The following PGM2 variants were observed in gnomAD, a reference collection of about 807,000 sequenced individuals.
The protein encoded by PGM2 is phosphoglucomutase 2.
Under a neutral mutation model 74.6 loss-of-function variants are expected in PGM2, and 57 were observed. The observed-to-expected ratio is 0.76, with a 90% CI of 0.62 to 0.95. The LOEUF is 0.95. PGM2 is among the 40% of genes least tolerant of loss of function. PGM2 has a pLI of 0.00. For missense variants in PGM2, 706 were observed against 741.9 expected, an observed-to-expected ratio of 0.95 and a Z score of 0.56; for synonymous variants, 273 against 260.7, an observed-to-expected ratio of 1.05 and a Z score of -0.46.
chr4:37,857,540 G>GCTCACCACTCCATGAGTTTA (rs1711568232), intron 13 of PGM2, among the ~76,000 whole-genome samples: 1 of 152,072 alleles, frequency 6.6e-6, no homozygotes, highest in Non-Finnish European at 1.5e-5. Context: ...GACTTAGAAA[G>GCTCACCACTCCATGAGTTTA]CTCACCACTC....
chr4:37,859,221 T>G (rs1239466760), intron 13 of PGM2, among the ~76,000 whole-genome samples: 1 of 152,216 alleles, frequency 6.6e-6, no homozygotes, highest in Non-Finnish European at 1.5e-5. Flanking sequence ...TCATAAGACT[T>G]CATGATGCTT....
At chr4:37,853,328 G>A (rs1726103882) in intron 12 of PGM2, among the ~76,000 whole-genome samples, 1 of 147,600 alleles carries the variant, frequency 6.8e-6, no homozygotes, top group Non-Finnish European at 1.5e-5. Flanking sequence ...AGTAGAGACA[G>A]GATCTTGCTG....
rs2152176553 is a variant in PGM2 at position 37,839,921 on chromosome 4, A to G, written c.515A>G (p.Asn172Ser). ...GCATCTCACAATCCAAAGCAGGATA[A>G]TGGTTATAAGGTATTTTCCTTTTTC... ...ITASHNPKQD[N>S]GYKVYWDNGA... The change falls in exon 5 of 14, where the codon AAT becomes AGT. Residue 172 changes from asparagine (N) to serine (S), a missense_variant. By Grantham distance (46) the Asn-to-Ser change is conservative. This residue lies in a region of PGM2 where 332 missense variants were observed against 334.9 expected (regional missense o/e 0.99). Transcript: ENST00000381967. 1 of 1,595,956 alleles carries G rather than the reference A, an allele frequency of 6.3e-7. No homozygotes were observed. The highest frequency in any genetic ancestry group is 8.6e-7 in the Non-Finnish European group (1 of 1,163,602).
intron 10 of PGM2, chr4:37,847,537 A>G: frequency 4.5e-6 from 2 of 448,974 alleles, no homozygotes; most frequent in South Asian, 2.2e-5. Flanking sequence ...AAACAGTGAC[A>G]TTGTATGCTT....
At position 37,826,808 on chromosome 4, in the gene PGM2, G is replaced by C; in HGVS notation, c.76G>C (p.Asp26His). ...DQETAQWLRW[D>H]KNSLTLEAVK... ...GGAGACCGCCCAGTGGCTGCGCTGG[G>C]ACAAGGTGAGGGGCACCAGCAGGCG... The change falls in exon 1 of 14, where the codon GAC (aspartate) becomes CAC (histidine). Residue 26 changes from aspartate to histidine, a missense_variant. Asp to His is a moderately conservative substitution (Grantham distance 81). This residue lies in a region of PGM2 where 332 missense variants were observed against 334.9 expected (regional missense o/e 0.99). Transcript: ENST00000381967. 1 of 1,544,800 alleles carries C rather than the reference G, an allele frequency of 6.5e-7. No individual in the cohort carries two copies. Among genetic ancestry groups the C allele is most frequent in the South Asian group, 1.2e-5 (1 of 83,950 alleles).
chr4:37,857,732 G>T (rs1711577585), intron 13 of PGM2, among the ~76,000 whole-genome samples: 1 of 152,144 alleles, frequency 6.6e-6, no homozygotes, highest in South Asian at 2.1e-4. Context: ...ACCTTTTTGT[G>T]CTTAAAGTGC....
rs141198631 is a variant in PGM2 at position 37,841,334 on chromosome 4, A to G, written c.719+1075A>G. Among the ~76,000 whole-genome samples, 369 of 152,094 alleles carry G rather than the reference A, an allele frequency of 2.4e-3. 1 individual carries two copies. Among genetic ancestry groups the G allele is most frequent in the African/African-American group, 8.3e-3 (344 of 41,502 alleles). ...ACAGACTCAGTCCTTACCATCAGGT[A>G]GGAAGAGGTGTAGCAGAGTGACAGT... On this transcript the variant is annotated intron_variant, in intron 6 of 13. Transcript: ENST00000381967.
At chr4:37,853,986 C>T (rs1311254433) in intron 12 of PGM2, among the ~76,000 whole-genome samples, 3 of 152,204 alleles carry the variant, frequency 2.0e-5, no homozygotes, top group Non-Finnish European at 4.4e-5. Flanking sequence ...CTCACATCTG[C>T]CTTTTGCAGT....
intron 12 of PGM2, among the ~76,000 whole-genome samples, chr4:37,852,311 T>A (rs924622690): frequency 8.6e-5 from 8 of 93,370 alleles, no homozygotes; most frequent in African/African-American, 2.3e-4. Context: ...TTGCCTGGAT[T>A]TCTATGTCCT....
chr4:37,842,185 C>A (rs1266995213), intron 6 of PGM2, among the ~76,000 whole-genome samples: 1 of 146,856 alleles, frequency 6.8e-6, no homozygotes, highest in African/African-American at 2.5e-5. Context: ...ATTATATATA[C>A]ATATATGCAT....
chr4:37,846,915 T>G lies in PGM2; in HGVS notation c.1008-16T>G, dbSNP rs776207778. The G allele has an allele frequency of 3.0e-5, 47 of 1,571,132 alleles. No individual in the cohort carries two copies. The highest frequency in any genetic ancestry group is 3.6e-5 in the Non-Finnish European group (42 of 1,163,780). Reference sequence around the variant, plus strand: ...TATGGAAATGAATGGTGGTTGTTGTTTTTTTTTTCTTTCAGTGGTGAATGG... The same window carrying G: ...TATGGAAATGAATGGTGGTTGTTGTGTTTTTTTTCTTTCAGTGGTGAATGG... On this transcript the variant is annotated splice_polypyrimidine_tract_variant and intron_variant, in intron 8 of 13. Transcript: ENST00000381967.
At chr4:37,858,904 C>T (rs1051277339) in intron 13 of PGM2, among the ~76,000 whole-genome samples, 5 of 152,088 alleles carry the variant, frequency 3.3e-5, no homozygotes, top group Non-Finnish European at 7.4e-5. Context: ...GCAGTGAATA[C>T]CCACACACCC....
Position 37,847,235 on chromosome 4 carries a change from A to C in PGM2, c.1222A>C (p.Arg408=). Residue 408 remains arginine (R), a synonymous_variant, in exon 10 of 14, where the codon AGA becomes CGA. Transcript: ENST00000381967. ...AACTGGCTTTAAGTGGATGGGAAAC[A>C]GAGCCAAACAGCTAATAGACCAGGG... ...TLTGFKWMGN[R]AKQLIDQGKT... The C allele has an allele frequency of 6.2e-7, 1 of 1,614,044 alleles. No homozygotes were observed. The highest frequency in any genetic ancestry group is 8.5e-7 in the Non-Finnish European group (1 of 1,179,882).
intron 2 of PGM2, among the ~76,000 whole-genome samples, chr4:37,833,391 A>G (rs1448222121): frequency 6.6e-6 from 1 of 152,128 alleles, no homozygotes; most frequent in East Asian, 1.9e-4. Flanking sequence ...TCCCATCTCT[A>G]CAAAAATTGT....
In PGM2 at chr4:37,830,046, T is replaced by C; in HGVS notation, c.164T>C (p.Met55Thr). The change falls in exon 2 of 14, where the codon ATG (methionine) becomes ACG (threonine). Residue 55 changes from methionine (M) to threonine (T), a missense_variant. Transcript: ENST00000381967. Reference protein sequence around the residue: ...EELRKCFGARMEFGTAGLRAA... With the variant: ...EELRKCFGARTEFGTAGLRAA... ...CTACGAAAATGTTTTGGGGCCCGAA[T>C]GGAGTTTGGGACAGCTGGCCTCCGA... The C allele has an allele frequency of 6.2e-7, 1 of 1,607,754 alleles. No homozygotes were observed. The highest frequency in any genetic ancestry group is 8.5e-7 in the Non-Finnish European group (1 of 1,176,938).
chr4:37,836,968 A>T (rs1375065619), intron 3 of PGM2, among the ~76,000 whole-genome samples: 1 of 152,094 alleles, frequency 6.6e-6, no homozygotes, highest in Non-Finnish European at 1.5e-5. Context: ...TGTACGCTGG[A>T]TTGTGATAGG....
chr4:37,827,931 A>G (rs757381385), intron 1 of PGM2, among the ~76,000 whole-genome samples: 1 of 152,172 alleles, frequency 6.6e-6, no homozygotes, highest in African/African-American at 2.4e-5. Context: ...AGGCCTCTCT[A>G]TTCTCACTAC....
At chr4:37,840,944 G>A (rs1725692352) in intron 6 of PGM2, among the ~76,000 whole-genome samples, 1 of 113,420 alleles carries the variant, frequency 8.8e-6, no homozygotes, top group Non-Finnish European at 1.9e-5. Flanking sequence ...ATTCATACAT[G>A]TAAGTGTGTG....
chr4:37,834,642 C>G lies in PGM2; in HGVS notation c.274C>G (p.Gln92Glu), dbSNP rs776949046. Reference protein sequence around the residue: ...TQGFCRYLEKQFSDLKQKGIV... With the variant: ...TQGFCRYLEKEFSDLKQKGIV... ...GGGATTTTGCAGATACCTGGAAAAA[C>G]AATTCAGTGACTTAAAGCAGAAAGG... The change falls in exon 3 of 14, where the codon CAA becomes GAA. Residue 92 changes from glutamine (Q) to glutamate (E), a missense_variant. Gln to Glu is a conservative substitution (Grantham distance 29). Coordinates refer to ENST00000381967, the MANE Select transcript of PGM2 (RefSeq NM_018290.4). The G allele has an allele frequency of 1.3e-6, 2 of 1,591,150 alleles. No homozygotes were observed. The highest frequency in any genetic ancestry group is 1.1e-5 in the South Asian group (1 of 89,724).
Sources: gnomAD v4.1 joint callset for allele counts (sites outside exome capture counted in the v4.1 genomes callset) on GRCh38, gnomAD v4.1.1 for gene constraint, gnomAD v4.1.1 regional missense constraint, MANE v1.5 for transcripts, NCBI Gene and HGNC (gene_info 2026-07-23, HGNC 2026-07-21) for gene names.